Variants in MANEAL observed in about 807,000 individuals in gnomAD.
MANEAL encodes mannosidase endo-alpha like.
In MANEAL, 28 loss-of-function variants were observed where a neutral mutation model predicts 35.9. That is an observed-to-expected ratio of 0.78 (90% CI 0.58 to 1.07). The LOEUF is 1.07. Among genes scored for constraint, MANEAL ranks in the 50% least tolerant of loss-of-function variants. The probability of loss-of-function intolerance (pLI) is 0.00; values close to 1 mark genes in which losing one functional copy is unlikely to be tolerated. For missense variants in MANEAL, 576 were observed against 629.6 expected, an observed-to-expected ratio of 0.91 and a Z score of 0.91; for synonymous variants, 286 against 272.2, an observed-to-expected ratio of 1.05 and a Z score of -0.50.
chr1:37,798,732 T>TA (rs988802364), intron 3 of MANEAL, among the ~76,000 whole-genome samples: 16 of 140,194 alleles, frequency 1.1e-4, no homozygotes, highest in African/African-American at 4.0e-4. Context: ...GACTTAAGAA[T>TA]AAAAAAAAGA....
At position 37,799,477 on chromosome 1, in the gene MANEAL, G is replaced by A. The variant is rs1646674952; in HGVS notation, c.738-90G>A. ...GGAGACTGACTGGCTCCAGAACTGG[G>A]CTGTGTTGCATCCGTATCTCATCCA... On this transcript the variant is annotated intron_variant, in intron 3 of 3. Coordinates refer to ENST00000373045, the MANE Select transcript of MANEAL (RefSeq NM_001113482.2). The surrounding 1 kb of genome is among the most constrained non-coding windows in gnomAD (Gnocchi z 4.1). 3 of 1,416,760 alleles carry A rather than the reference G, an allele frequency of 2.1e-6. No homozygotes were observed. Among genetic ancestry groups the A allele is most frequent in the Non-Finnish European group, 2.9e-6 (3 of 1,046,950 alleles). 87.8% of individuals were successfully genotyped at this position (1,416,760 alleles called of 1,614,324 possible). A position where few individuals can be genotyped will look rare whatever the true frequency, so the allele number is the denominator to read the frequency against.
chr1:37,796,813 A>G lies in MANEAL; in HGVS notation c.730A>G (p.Ile244Val). ...ITVHDNIKYI[I>V]DTYGSHGAFY... Reference sequence around the variant, plus strand: ...TGTACATGACAACATCAAGTACATCATTGACACGTAAGGCTGCTCTGGGGG... The same window carrying G: ...TGTACATGACAACATCAAGTACATCGTTGACACGTAAGGCTGCTCTGGGGG... Residue 244 changes from isoleucine to valine, a missense_variant, in exon 3 of 4, where the codon ATT becomes GTT. Around this residue, in one of 3 missense-constraint regions of MANEAL, gnomAD observed 449 missense variants for 516.1 expected, o/e 0.87. Transcript: ENST00000373045. 1 of 1,609,918 alleles carries G rather than the reference A, an allele frequency of 6.2e-7. No homozygotes were observed. Among genetic ancestry groups the G allele is most frequent in the Non-Finnish European group, 8.5e-7 (1 of 1,178,068 alleles).
Position 37,794,182 on chromosome 1 carries a change from C to A in MANEAL, c.-1C>A, listed in dbSNP as rs1400327738. 7.9e-7 allele frequency: 1 copy of A among 1,263,570 alleles called. No individual in the cohort carries two copies. The highest frequency in any genetic ancestry group is 1.0e-6 in the Non-Finnish European group (1 of 988,496). 78.3% of individuals were successfully genotyped at this position (1,263,570 alleles called of 1,614,324 possible). On this transcript the variant is annotated 5_prime_UTR_variant, in exon 1 of 4. Coordinates refer to ENST00000373045, the MANE Select transcript of MANEAL (RefSeq NM_001113482.2). This position sits in a 1 kb window ranked among gnomAD's most constrained non-coding sequence, Gnocchi z 5.7. The stretch of plus-strand genomic sequence containing the variant: ...GCGGCTGCAGGAGCGCACAGTCGGC[C>A]ATGGCCCGGCGGCGGCGCCGCGCCT...
At chr1:37,797,894 C>A (rs1646658562) in intron 3 of MANEAL, among the ~76,000 whole-genome samples, 1 of 151,980 alleles carries the variant, frequency 6.6e-6, no homozygotes, top group Non-Finnish European at 1.5e-5. Flanking sequence ...ACCCGGCCTC[C>A]CAGGGCTTTG....
In MANEAL at chr1:37,800,054, G is replaced by C. The variant is rs200718183; in HGVS notation, c.1225G>C (p.Glu409Gln). Residue 409 changes from glutamate to glutamine, a missense_variant, in exon 4 of 4, where the codon GAG becomes CAG. Physicochemically the swap from Glu to Gln is conservative, Grantham distance 29. Transcript: ENST00000373045. Reference protein sequence around the residue: ...VSITSFNEWHEGTQIEKAIPK... With the variant: ...VSITSFNEWHQGTQIEKAIPK... The stretch of plus-strand genomic sequence containing the variant: ...CATTACCTCCTTCAATGAGTGGCAC[G>C]AGGGCACCCAGATTGAGAAGGCCAT... The C allele has an allele frequency of 1.7e-5, 27 of 1,614,068 alleles. No homozygotes were observed. The highest frequency in any genetic ancestry group is 2.2e-5 in the Non-Finnish European group (26 of 1,180,036).
Position 37,799,726 on chromosome 1 carries a change from G to A in MANEAL, c.897G>A (p.Gly299=), listed in dbSNP as rs765549743. Residue 299 remains glycine, a synonymous_variant, in exon 4 of 4, where the codon GGG becomes GGA. Coordinates refer to ENST00000373045, the MANE Select transcript of MANEAL (RefSeq NM_001113482.2). The surrounding 1 kb of genome is among the most constrained non-coding windows in gnomAD (Gnocchi z 4.1). The part of the protein sequence containing the change: ...PHSIRNTPYD[G]VFIALLVEEG... ...CGATCCGCAACACGCCCTACGATGG[G>A]GTCTTCATAGCGCTGCTGGTGGAGG... 2 of 1,614,216 alleles carry A rather than the reference G, an allele frequency of 1.2e-6. No individual in the cohort carries two copies. The highest frequency in any genetic ancestry group is 3.3e-5 in the Admixed American group (2 of 60,024).
Position 37,794,824 on chromosome 1 carries a change from T to G in MANEAL, c.550+92T>G. 1 of 856,048 alleles carries G rather than the reference T, an allele frequency of 1.2e-6. No homozygotes were observed. Among genetic ancestry groups the G allele is most frequent in the Non-Finnish European group, 1.8e-6 (1 of 553,408 alleles). 53.0% of individuals were successfully genotyped at this position (856,048 alleles called of 1,614,324 possible). ...CTCCCTCTGGTCCTGTCACCGGCCCTTTGGTCCCACTTATCCGCCAGCCTG... is the reference window on the plus strand; with the variant it reads ...CTCCCTCTGGTCCTGTCACCGGCCCGTTGGTCCCACTTATCCGCCAGCCTG... On this transcript the variant is annotated intron_variant, in intron 1 of 3. Coordinates refer to ENST00000373045, the MANE Select transcript of MANEAL (RefSeq NM_001113482.2). The surrounding 1 kb of genome is among the most constrained non-coding windows in gnomAD (Gnocchi z 5.7).
Position 37,800,270 on chromosome 1 carries a change from T to C in MANEAL, c.*67T>C. The C allele has an allele frequency of 1.3e-6, 2 of 1,563,638 alleles. No homozygotes were observed. Among genetic ancestry groups the C allele is most frequent in the Non-Finnish European group, 1.7e-6 (2 of 1,156,372 alleles). ...GCTGGAAGATGTCACCATGTGGGGT[T>C]CAGCTGAGGTTGTAGCCACTCACTC... On this transcript the variant is annotated 3_prime_UTR_variant, in exon 4 of 4. Transcript: ENST00000373045.
intron 2 of MANEAL, among the ~76,000 whole-genome samples, 196 bp from the exon 3 acceptor site, chr1:37,796,548 G>A (rs1646646630): frequency 6.6e-6 from 1 of 152,196 alleles, no homozygotes; most frequent in South Asian, 2.1e-4. Context: ...ATGCCCTGCT[G>A]CGGGAGATGG....
At chr1:37,796,659 C>A in intron 2 of MANEAL, 85 bp from the exon 3 acceptor site, 2 of 1,291,988 alleles carry the variant, frequency 1.5e-6, no homozygotes, top group Non-Finnish European at 2.2e-6. Context: ...AGCCTCTCCT[C>A]CAGGCCATGG....
At chr1:37,798,389 G>C (rs1463974097) in intron 3 of MANEAL, among the ~76,000 whole-genome samples, 1 of 152,208 alleles carries the variant, frequency 6.6e-6, no homozygotes, top group Admixed American at 6.5e-5. Flanking sequence ...AGAATGGATA[G>C]TCAGGTCAGG....
At position 37,797,360 on chromosome 1, in the gene MANEAL, C is replaced by T. The variant is rs184654512; in HGVS notation, c.737+540C>T. On this transcript the variant is annotated intron_variant, in intron 3 of 3. Transcript: ENST00000373045. ...AGGTTGCAGTGAGCCGAGATTGCACCGCTGCACTCCAGCCTGGGTGACAGA... is the reference window on the plus strand; with the variant it reads ...AGGTTGCAGTGAGCCGAGATTGCACTGCTGCACTCCAGCCTGGGTGACAGA... Among the ~76,000 whole-genome samples, 93 of 151,752 alleles carry T rather than the reference C, an allele frequency of 6.1e-4. 1 individual carries two copies. The East Asian group carries it at 0.016, about 26-fold the overall frequency.
chr1:37,800,543 A>G lies in MANEAL; in HGVS notation c.*340A>G, dbSNP rs1049358768. On this transcript the variant is annotated 3_prime_UTR_variant, in exon 4 of 4. Transcript: ENST00000373045. ...GCTGTGTAGTGGCCACCCAGTCACCACCCTTGGAAGGGTGTCAGGGTCTGG... is the reference window on the plus strand; with the variant it reads ...GCTGTGTAGTGGCCACCCAGTCACCGCCCTTGGAAGGGTGTCAGGGTCTGG... The G allele has an allele frequency of 3.1e-6, 1 of 319,326 alleles. No individual in the cohort carries two copies. Among genetic ancestry groups the G allele is most frequent in the African/African-American group, 2.1e-5 (1 of 47,754 alleles). 19.8% of individuals were successfully genotyped at this position (319,326 alleles called of 1,614,324 possible).
chr1:37,797,887 C>T (rs1247049711), intron 3 of MANEAL, among the ~76,000 whole-genome samples: 3 of 152,060 alleles, frequency 2.0e-5, no homozygotes, highest in African/African-American at 7.2e-5. Context: ...CCACTGCACC[C>T]GGCCTCCCAG....
At chr1:37,796,571 C>T (rs1217352282) in intron 2 of MANEAL, among the ~76,000 whole-genome samples, 173 bp from the exon 3 acceptor site, 1 of 152,226 alleles carries the variant, frequency 6.6e-6, no homozygotes, top group Non-Finnish European at 1.5e-5. Flanking sequence ...AAACTGCTCA[C>T]CCCTGTTTTG....
intron 2 of MANEAL, 22 bp downstream of exon 2, chr1:37,795,868 A>G (rs375120203): frequency 1.1e-5 from 18 of 1,598,574 alleles, no homozygotes; most frequent in Admixed American, 3.3e-5. Flanking sequence ...AGAAGAGGCC[A>G]CGTGCTCTCT....
At chr1:37,795,593 T>C in intron 1 of MANEAL, 144 bp from the exon 2 acceptor site, 2 of 1,480,652 alleles carry the variant, frequency 1.4e-6, no homozygotes, top group Non-Finnish European at 1.8e-6. Flanking sequence ...GCTCTGGGAC[T>C]CATCTGCAGG....
rs1022065325 is a variant in MANEAL at position 37,797,057 on chromosome 1, C to T, written c.737+237C>T. On this transcript the variant is annotated intron_variant, in intron 3 of 3. Transcript: ENST00000373045. ...ACCTTTGAGTCTTGTGAGAATCACA[C>T]GAATTAATATATGTGAAAGTAGCTT... Among the ~76,000 whole-genome samples, 10 of 152,138 alleles carry T rather than the reference C, an allele frequency of 6.6e-5. No individual in the cohort carries two copies. In the South Asian group the frequency reaches 1.4e-3, roughly 22 times the overall value.
rs1444601623 is a variant in MANEAL at position 37,800,005 on chromosome 1, G to A, written c.1176G>A (p.Leu392=). Residue 392 remains leucine, a synonymous_variant, in exon 4 of 4, where the codon CTG becomes CTA. Transcript: ENST00000373045. ...ATGAGACGGCCCTGCAGGCGGCCCTGACAGTGAGGCCCGAGATCGTTTCCA... is the reference window on the plus strand; with the variant it reads ...ATGAGACGGCCCTGCAGGCGGCCCTAACAGTGAGGCCCGAGATCGTTTCCA... ...KYYETALQAA[L]TVRPEIVSIT... 1 of 1,614,106 alleles carries A rather than the reference G, an allele frequency of 6.2e-7. No individual in the cohort carries two copies. The highest frequency in any genetic ancestry group is 1.3e-5 in the African/African-American group (1 of 74,942).
Sources: allele counts gnomAD v4.1 joint callset (sites outside exome capture counted in the v4.1 genomes callset), GRCh38; gene constraint gnomAD v4.1.1; regional missense constraint gnomAD v4.1.1; non-coding constraint Gnocchi (gnomAD v3.1); transcripts MANE v1.5; gene names NCBI Gene and HGNC (gene_info 2026-07-23, HGNC 2026-07-21).